The following PDE1C variants were observed in gnomAD, a reference collection of about 807,000 sequenced individuals.
PDE1C encodes the protein phosphodiesterase 1C.
A neutral mutation model predicts 93.1 loss-of-function variants in PDE1C; 62 were observed. The ratio of observed to expected loss-of-function variants is 0.67; its 90% CI spans 0.54 to 0.82. The LOEUF is 0.82. Ranked by LOEUF, PDE1C falls within the 40% of genes least tolerant of loss-of-function variation. The pLI is 0.00. For synonymous variants in PDE1C, 325 were observed against 310.1 expected (o/e 1.05, Z -0.50); for missense variants, 742 against 884.6 (o/e 0.84, Z 2.04).
chr7:32,194,692 C>T (rs1365860629), intron 2 of PDE1C, among the ~76,000 whole-genome samples: 1 of 152,182 alleles, frequency 6.6e-6, no homozygotes, highest in Admixed American at 6.5e-5. Flanking sequence ...TTTAATAGCA[C>T]ATAGTTGGGT....
chr7:32,091,722 T>C (rs771407636), intron 3 of PDE1C, among the ~76,000 whole-genome samples: 8 of 152,150 alleles, frequency 5.3e-5, no homozygotes, highest in Non-Finnish European at 1.2e-4. Context: ...ACCTCTCCAG[T>C]CACTGCAAAG....
chr7:31,740,417 A>G, the PDE1C span, among the ~76,000 whole-genome samples: 1 of 152,222 alleles, frequency 6.6e-6, no homozygotes, highest in Non-Finnish European at 1.5e-5. Flanking sequence ...TCTAAGTAAG[A>G]CTTTTAGTGC....
rs192413396 is a variant in PDE1C, at chr7:31,837,365, T to A, written c.1083-65A>T. ...CTTCAGAACCTCAGTAAGAGTTTTT[T>A]AAAAATCATTAAGTTTTTAATCTCT... On this transcript the variant is annotated intron_variant, in intron 10 of 17. Coordinates refer to ENST00000396191, the MANE Select transcript of PDE1C (RefSeq NM_001191057.4). 825 of 1,421,310 alleles carry A rather than the reference T, an allele frequency of 5.8e-4. 8 individuals are homozygous for A. In the African/African-American group the frequency reaches 0.01, roughly 18 times the overall value. The allele number at this position is 1,421,310 out of a possible 1,614,324, so 88.0% of individuals were successfully genotyped here.
intron 14 of PDE1C, among the ~76,000 whole-genome samples, chr7:31,817,749 T>C (rs1038622658): frequency 3.9e-5 from 6 of 152,216 alleles, no homozygotes; most frequent in Non-Finnish European, 5.9e-5. Context: ...GTTTTTAATC[T>C]AATGGACACC....
At chr7:31,986,290 T>C (rs866796749) in intron 2 of PDE1C, among the ~76,000 whole-genome samples, 19 of 152,048 alleles carry the variant, frequency 1.2e-4, no homozygotes, top group African/African-American at 4.6e-4. Context: ...TCCTCCTACT[T>C]CACATGGCTT....
chr7:32,054,542 C>A (rs913424646), intron 1 of PDE1C, among the ~76,000 whole-genome samples: 1 of 152,096 alleles, frequency 6.6e-6, no homozygotes, highest in South Asian at 2.1e-4. Flanking sequence ...AGGGCATGCA[C>A]GTTAACTGGC....
chr7:31,804,763 C>T (rs1273480661), intron 16 of PDE1C, among the ~76,000 whole-genome samples: 3 of 151,792 alleles, frequency 2.0e-5, no homozygotes, highest in Admixed American at 1.3e-4. Flanking sequence ...TATAAAGGTA[C>T]TTAATTGCAA....
the PDE1C span, chr7:31,695,735 T>G: frequency 2.0e-6 from 2 of 1,022,624 alleles, no homozygotes; most frequent in Non-Finnish European, 2.8e-6. Context: ...ATTTGTGCAC[T>G]CCCCACCTCT....
chr7:31,704,056 T>G, the PDE1C span, among the ~76,000 whole-genome samples: 1 of 152,128 alleles, frequency 6.6e-6, no homozygotes, highest in Non-Finnish European at 1.5e-5. Flanking sequence ...TTGTCACAAA[T>G]GGAACCATGA....
chr7:32,190,169 G>A (rs1804140857), intron 2 of PDE1C, among the ~76,000 whole-genome samples: 1 of 152,194 alleles, frequency 6.6e-6, no homozygotes, highest in South Asian at 2.1e-4. Flanking sequence ...TATTTCATGG[G>A]TTTCAAGAAT....
intron 1 of PDE1C, among the ~76,000 whole-genome samples, chr7:32,421,956 T>A (rs1785440394): frequency 6.6e-6 from 1 of 152,116 alleles, no homozygotes; most frequent in Non-Finnish European, 1.5e-5. Context: ...TTGAAAGCAA[T>A]GAATCCAGTA....
chr7:31,943,002 T>C (rs1202331429), intron 2 of PDE1C, among the ~76,000 whole-genome samples: 1 of 152,142 alleles, frequency 6.6e-6, no homozygotes, highest in African/African-American at 2.4e-5. Context: ...GGAGTGTGAA[T>C]GGCTATAGCT....
the PDE1C span, among the ~76,000 whole-genome samples, chr7:31,657,136 A>C: frequency 4.0e-3 from 1 of 250 alleles, no homozygotes; most frequent in Non-Finnish European, 9.3e-3. Flanking sequence ...TCAAATATAT[A>C]TAATCATATA....
intron 3 of PDE1C, among the ~76,000 whole-genome samples, chr7:32,163,112 A>C (rs1464732389): frequency 6.6e-6 from 1 of 152,230 alleles, no homozygotes; most frequent in East Asian, 1.9e-4. Context: ...CCAGGAAGGC[A>C]ACACTAAGTC....
intron 1 of PDE1C, among the ~76,000 whole-genome samples, chr7:32,257,225 A>G (rs1217798344): frequency 6.6e-6 from 1 of 151,828 alleles, no homozygotes; most frequent in Non-Finnish European, 1.5e-5. Flanking sequence ...GAGAAAGGAG[A>G]AAAAAAACAA....
chr7:32,122,041 G>T (rs909253724), intron 3 of PDE1C, among the ~76,000 whole-genome samples: 1 of 151,824 alleles, frequency 6.6e-6, no homozygotes, highest in Non-Finnish European at 1.5e-5. Context: ...CCAAGCAAAT[G>T]GAAAGCAAAA....
Position 31,753,487 on chromosome 7 carries a change from A to T in PDE1C, c.2027T>A (p.Val676Asp). 6.2e-7 allele frequency: 1 copy of T among 1,612,532 alleles called. No individual in the cohort carries two copies. Among genetic ancestry groups the T allele is most frequent in the East Asian group, 2.2e-5 (1 of 44,850 alleles). ...AGGATGCTCATCAGTTTTCTTTGAG[A>T]CTGAAGGTGCATAGGAGCTAGATGC... ...AYASSSYAPS[V>D]SKKTDEHPAR... The change falls in exon 18 of 18, where the codon GTC becomes GAC. Residue 676 changes from valine (V) to aspartate (D), a missense_variant. Physicochemically the swap from Val to Asp is radical, Grantham distance 152 (BLOSUM62 -3). Coordinates refer to ENST00000396191, the MANE Select transcript of PDE1C (RefSeq NM_001191057.4).
intron 17 of PDE1C, among the ~76,000 whole-genome samples, chr7:31,761,622 C>G (rs1468806006): frequency 1.3e-5 from 2 of 152,232 alleles, no homozygotes; most frequent in Non-Finnish European, 2.9e-5. Context: ...ATCCTGGCTG[C>G]ATATGGGAAC....
chr7:31,862,045 C>T (rs1401248806), intron 7 of PDE1C, among the ~76,000 whole-genome samples: 1 of 152,174 alleles, frequency 6.6e-6, no homozygotes, highest in Non-Finnish European at 1.5e-5. Context: ...TCTTACAGGA[C>T]TCTTGTACTA....
Sources: allele counts gnomAD v4.1 joint callset (sites outside exome capture counted in the v4.1 genomes callset), GRCh38; gene constraint gnomAD v4.1.1; transcripts MANE v1.5; gene names NCBI Gene and HGNC (gene_info 2026-07-23, HGNC 2026-07-21).